The following CHST9 variants were observed in gnomAD, a reference collection of about 807,000 sequenced individuals.
The protein encoded by CHST9 is carbohydrate sulfotransferase 9, also known as GalNAc-4-sulfotransferase 2.
Under a neutral mutation model 44.4 loss-of-function variants are expected in CHST9, and 41 were observed. The ratio of observed to expected loss-of-function variants is 0.92; its 90% CI spans 0.72 to 1.20. The LOEUF (loss-of-function observed/expected upper bound fraction) is 1.20. Among genes scored for constraint, CHST9 ranks in the 50% most tolerant of loss-of-function variants. The pLI, the probability that CHST9 is intolerant of heterozygous loss-of-function variation, is 0.00. For synonymous variants in CHST9, 171 were observed against 178.4 expected (o/e 0.96, Z 0.33); for missense variants, 504 against 516.5 (o/e 0.98, Z 0.23).
chr18:26,939,034 T>A (rs2056042625), intron 5 of CHST9, among the ~76,000 whole-genome samples: 1 of 152,218 alleles, frequency 6.6e-6, no homozygotes, highest in Non-Finnish European at 1.5e-5. Context: ...GTTCTTATGA[T>A]ATGCAAGGCC....
chr18:26,952,997 C>A (rs555200538), intron 4 of CHST9, among the ~76,000 whole-genome samples: 1 of 152,310 alleles, frequency 6.6e-6, no homozygotes, highest in Admixed American at 6.5e-5. Flanking sequence ...CTGCTATACT[C>A]CCTTTTAACT....
chr18:26,989,644 G>A (rs912724815), intron 4 of CHST9, among the ~76,000 whole-genome samples: 11 of 152,198 alleles, frequency 7.2e-5, no homozygotes, highest in Admixed American at 4.6e-4. Flanking sequence ...GGCATTATTT[G>A]TACCAGCCAG....
At chr18:27,073,163 C>T (rs1199168595) in intron 2 of CHST9, among the ~76,000 whole-genome samples, 7 of 152,158 alleles carry the variant, frequency 4.6e-5, no homozygotes, top group Admixed American at 4.6e-4. Context: ...GTCTGCCTCA[C>T]AATGTTCTGA....
intron 2 of CHST9, among the ~76,000 whole-genome samples, chr18:27,058,354 CATA>C (rs1277057541): frequency 1.3e-5 from 2 of 152,098 alleles, no homozygotes; most frequent in Non-Finnish European, 2.9e-5. Context: ...CAAATCTTTT[CATA>C]ATGTTTATTC....
chr18:26,992,881 C>A (rs2056840303), intron 4 of CHST9, among the ~76,000 whole-genome samples: 1 of 152,144 alleles, frequency 6.6e-6, no homozygotes. Context: ...TACCTATATA[C>A]CCTGTAAATC....
intron 2 of CHST9, among the ~76,000 whole-genome samples, chr18:27,076,347 A>C (rs2057903503): frequency 6.6e-6 from 1 of 152,150 alleles, no homozygotes; most frequent in Admixed American, 6.5e-5. Flanking sequence ...GTGTGTGTGT[A>C]AGTGTATGTG....
chr18:27,132,903 A>G (rs2058483922), intron 2 of CHST9, among the ~76,000 whole-genome samples: 1 of 152,150 alleles, frequency 6.6e-6, no homozygotes, highest in African/African-American at 2.4e-5. Flanking sequence ...CTCTTGCTCT[A>G]AGCCTAGAAT....
intron 4 of CHST9, among the ~76,000 whole-genome samples, chr18:26,974,147 G>A (rs563451607): frequency 2.0e-5 from 3 of 152,302 alleles, no homozygotes; most frequent in Non-Finnish European, 2.9e-5. Context: ...TAACAACTCA[G>A]GGAGATGCCT....
At chr18:26,967,268 T>C (rs1598602207) in intron 4 of CHST9, among the ~76,000 whole-genome samples, 1 of 152,214 alleles carries the variant, frequency 6.6e-6, no homozygotes, top group African/African-American at 2.4e-5. Flanking sequence ...TGTAGGAAGC[T>C]GCTTATATAA....
At chr18:27,123,366 A>C (rs1393535581) in intron 2 of CHST9, among the ~76,000 whole-genome samples, 1 of 152,196 alleles carries the variant, frequency 6.6e-6, no homozygotes, top group African/African-American at 2.4e-5. Flanking sequence ...AAATCTGATT[A>C]TCTTCTTTTT....
chr18:27,015,355 G>GTC (rs1190311297), intron 4 of CHST9, among the ~76,000 whole-genome samples: 1 of 151,404 alleles, frequency 6.6e-6, no homozygotes, highest in Non-Finnish European at 1.5e-5. Flanking sequence ...GTGTGTGTGT[G>GTC]TGTGCAGGCA....
chr18:27,184,076 T>C (rs1382398753), intron 1 of CHST9, among the ~76,000 whole-genome samples: 4 of 152,050 alleles, frequency 2.6e-5, no homozygotes, highest in Non-Finnish European at 4.4e-5. Context: ...AAAATAAACA[T>C]TGGTAATACT....
At chr18:27,162,939 G>A (rs375258713) in intron 1 of CHST9, among the ~76,000 whole-genome samples, 3 of 152,172 alleles carry the variant, frequency 2.0e-5, no homozygotes, top group East Asian at 3.9e-4. Flanking sequence ...CCATCTTTGT[G>A]GTTTTATCTA....
chr18:27,151,278 G>T (rs1194649862), intron 1 of CHST9, among the ~76,000 whole-genome samples: 2 of 152,068 alleles, frequency 1.3e-5, no homozygotes, highest in African/African-American at 2.4e-5. Context: ...AAGTGGGATT[G>T]TTTAAACTTT....
At chr18:27,043,764 G>A (rs1429331633) in intron 3 of CHST9, among the ~76,000 whole-genome samples, 1 of 152,028 alleles carries the variant, frequency 6.6e-6, no homozygotes, top group Non-Finnish European at 1.5e-5. Flanking sequence ...AAATGCAGAT[G>A]GATTCTGTAA....
intron 4 of CHST9, among the ~76,000 whole-genome samples, chr18:27,012,189 TA>T (rs2057093395): frequency 6.6e-6 from 1 of 152,142 alleles, no homozygotes; most frequent in African/African-American, 2.4e-5. Context: ...ATACAGGGTT[TA>T]GGGGGGAGCC....
chr18:27,162,889 T>C (rs1180857360), intron 1 of CHST9, among the ~76,000 whole-genome samples: 1 of 152,244 alleles, frequency 6.6e-6, no homozygotes, highest in Non-Finnish European at 1.5e-5. Context: ...AGAGGCGCTC[T>C]GCTTTTTAGA....
At chr18:27,081,094 C>T (rs774207135) in intron 2 of CHST9, among the ~76,000 whole-genome samples, 8 of 152,112 alleles carry the variant, frequency 5.3e-5, no homozygotes, top group Non-Finnish European at 7.4e-5. Context: ...TGAATATATT[C>T]AGAGGGACCC....
chr18:27,031,227 T>C (rs2057337281), intron 3 of CHST9, among the ~76,000 whole-genome samples: 1 of 152,240 alleles, frequency 6.6e-6, no homozygotes, highest in African/African-American at 2.4e-5. Flanking sequence ...CTTCAAATTC[T>C]AGCTTCCACA....
Sources: gnomAD v4.1 joint callset for allele counts (sites outside exome capture counted in the v4.1 genomes callset) on GRCh38, gnomAD v4.1.1 for gene constraint, MANE v1.5 for transcripts, NCBI Gene and HGNC (gene_info 2026-07-23, HGNC 2026-07-21) for gene names.